The following KAZN variants were observed in gnomAD, a reference collection of about 807,000 sequenced individuals.
KAZN encodes kazrin.
Under a neutral mutation model 87.4 loss-of-function variants are expected in KAZN, and 40 were observed. That is an observed-to-expected ratio of 0.46 (90% CI 0.36 to 0.60). The LOEUF (loss-of-function observed/expected upper bound fraction) is 0.60, where lower values mean the gene tolerates loss of function less well. Among genes scored for constraint, KAZN ranks in the 20% least tolerant of loss-of-function variants. KAZN has a pLI of 0.00. For missense variants in KAZN, 898 were observed against 1,073.9 expected (o/e 0.84, Z 2.29); for synonymous variants, 466 against 458.3 (o/e 1.02, Z -0.22).
rs975900410 is a variant in KAZN, at chr1:14,469,742, C to T, written c.250-129241C>T. Among the ~76,000 whole-genome samples the T allele has an allele frequency of 4.6e-5, 7 of 152,262 alleles. No homozygotes were observed. In the East Asian group the frequency reaches 5.8e-4, roughly 13 times the overall value. ...ACAGGCTTTTCTGGAAAAGAGGCCA[C>T]GATGTCAGATTCTTATTAGCATTAA... On this transcript the variant is annotated intron_variant, in intron 2 of 16. Transcript: ENST00000636203.
chr1:14,368,185 A>C (rs980406217), intron 2 of KAZN, among the ~76,000 whole-genome samples: 1 of 152,102 alleles, frequency 6.6e-6, no homozygotes, highest in Non-Finnish European at 1.5e-5. Context: ...TATACGGTGC[A>C]AGGAAAGAAA....
chr1:14,295,237 C>T (rs1654022003), intron 2 of KAZN, among the ~76,000 whole-genome samples: 1 of 152,208 alleles, frequency 6.6e-6, no homozygotes, highest in Non-Finnish European at 1.5e-5. Flanking sequence ...TCTGTCTCAT[C>T]TCCAGCCATG....
chr1:14,054,160 T>A (rs1642453580), intron 1 of KAZN, among the ~76,000 whole-genome samples: 1 of 152,020 alleles, frequency 6.6e-6, no homozygotes, highest in Non-Finnish European at 1.5e-5. Flanking sequence ...ATATATTTAC[T>A]GTAAAAAAAA....
chr1:13,977,899 G>A (rs1219574518), intron 1 of KAZN, among the ~76,000 whole-genome samples: 3 of 152,070 alleles, frequency 2.0e-5, no homozygotes, highest in African/African-American at 2.4e-5. Flanking sequence ...AGGCCGAGGC[G>A]GGTGTATCAC....
intron 14 of KAZN, chr1:15,113,374 T>C (rs1254317635): frequency 6.6e-6 from 1 of 152,118 alleles, no homozygotes; most frequent in Non-Finnish European, 1.5e-5. Context: ...GTCTGTGGCA[T>C]TACAATTTCA....
chr1:14,012,299 A>G (rs1165008858), intron 1 of KAZN, among the ~76,000 whole-genome samples: 2 of 152,242 alleles, frequency 1.3e-5, no homozygotes, highest in African/African-American at 4.8e-5. Flanking sequence ...CACCTGAACC[A>G]GTGTGCAACT....
At chr1:14,308,391 G>T (rs1455207621) in intron 2 of KAZN, among the ~76,000 whole-genome samples, 1 of 152,100 alleles carries the variant, frequency 6.6e-6, no homozygotes, top group Non-Finnish European at 1.5e-5. Context: ...CAACTTAATT[G>T]GGTCAGGAAA....
chr1:14,760,119 G>A (rs2100540637), intron 1 of KAZN, among the ~76,000 whole-genome samples: 1 of 152,066 alleles, frequency 6.6e-6, no homozygotes, highest in East Asian at 1.9e-4. Flanking sequence ...TTCAGGCTGA[G>A]GTTCCCCCAG....
At chr1:14,484,790 G>T (rs1049009571) in intron 2 of KAZN, among the ~76,000 whole-genome samples, 1 of 152,166 alleles carries the variant, frequency 6.6e-6, no homozygotes, top group African/African-American at 2.4e-5. Flanking sequence ...TAACTGTGTT[G>T]ATTCAGCTTT....
At chr1:14,635,330 TC>T (rs1224700209) in intron 1 of KAZN, among the ~76,000 whole-genome samples, 1 of 152,288 alleles carries the variant, frequency 6.6e-6, no homozygotes, top group Admixed American at 6.5e-5. Context: ...CTTATGAACA[TC>T]CCTGGTCTCC....
chr1:14,118,205 C>A (rs1557489459), intron 1 of KAZN, among the ~76,000 whole-genome samples: 2 of 152,146 alleles, frequency 1.3e-5, no homozygotes, highest in African/African-American at 4.8e-5. Context: ...TCTTACCTAC[C>A]AGGTTCTGGA....
intron 1 of KAZN, among the ~76,000 whole-genome samples, chr1:14,798,982 G>T (rs1169291428): frequency 1.3e-5 from 2 of 151,768 alleles, no homozygotes; most frequent in Non-Finnish European, 2.9e-5. Flanking sequence ...TTGCCAGGTT[G>T]CCCAGGCTGG....
chr1:14,823,242 G>A (rs1233414977), intron 1 of KAZN, among the ~76,000 whole-genome samples: 4 of 152,164 alleles, frequency 2.6e-5, no homozygotes, highest in African/African-American at 9.7e-5. Flanking sequence ...GCTTCAGTCA[G>A]GAGAAAACTG....
intron 1 of KAZN, among the ~76,000 whole-genome samples, chr1:14,077,455 A>G (rs191441145): frequency 6.6e-6 from 1 of 152,328 alleles, no homozygotes; most frequent in Admixed American, 6.5e-5. Flanking sequence ...TTTCTTCAGC[A>G]TTGTTTCCTG....
At chr1:14,446,277 A>C (rs958372853) in intron 2 of KAZN, among the ~76,000 whole-genome samples, 3 of 152,148 alleles carry the variant, frequency 2.0e-5, no homozygotes, top group Non-Finnish European at 4.4e-5. Flanking sequence ...TTGGCCACAC[A>C]CAAAAAATTA....
chr1:15,109,966 T>G (rs556625577), intron 13 of KAZN, among the ~76,000 whole-genome samples: 1 of 142,988 alleles, frequency 7.0e-6, no homozygotes, highest in African/African-American at 2.5e-5. Flanking sequence ...TGTATATGTG[T>G]GTTTGTATGT....
At chr1:14,943,490 A>ACGAGAAGG (rs1334065383) in intron 1 of KAZN, among the ~76,000 whole-genome samples, 4 of 152,302 alleles carry the variant, frequency 2.6e-5, no homozygotes, top group Admixed American at 2.6e-4. Context: ...TGGTCTCACA[A>ACGAGAAGG]CGAGAAGGCA....
chr1:14,690,389 G>C (rs1026275640), intron 1 of KAZN, among the ~76,000 whole-genome samples: 3 of 152,146 alleles, frequency 2.0e-5, no homozygotes, highest in African/African-American at 7.2e-5. Context: ...GGGAGAGAGA[G>C]GATTCACCAC....
intron 8 of KAZN, among the ~76,000 whole-genome samples, chr1:15,093,156 C>G (rs1304838118): frequency 1.3e-5 from 2 of 151,978 alleles, no homozygotes; most frequent in South Asian, 2.1e-4. Flanking sequence ...CAAAAGGTAC[C>G]GCAGGTCTCT....
Sources: allele counts gnomAD v4.1 joint callset (sites outside exome capture counted in the v4.1 genomes callset), GRCh38; gene constraint gnomAD v4.1.1; transcripts MANE v1.5; gene names NCBI Gene and HGNC (gene_info 2026-07-23, HGNC 2026-07-21).